The following HERC4 variants were observed in gnomAD, a reference collection of about 807,000 sequenced individuals.
The protein encoded by HERC4 is probable E3 ubiquitin-protein ligase HERC4.
HERC4 carries 28 observed loss-of-function variants against 124.3 expected under a neutral mutation model. The observed-to-expected ratio is 0.23, with a 90% CI of 0.17 to 0.31. HERC4 has a LOEUF of 0.31. HERC4 is among the 10% of genes least tolerant of loss of function. HERC4 has a pLI of 1.00. For synonymous variants in HERC4, 407 were observed against 421.5 expected, an observed-to-expected ratio of 0.97 and a Z score of 0.42; for missense variants, 713 against 1,229.3, an observed-to-expected ratio of 0.58 and a Z score of 6.28.
intron 16 of HERC4, among the ~76,000 whole-genome samples, chr10:67,964,582 G>A (rs1354055325): frequency 6.6e-6 from 1 of 151,382 alleles, no homozygotes; most frequent in Non-Finnish European, 1.5e-5. Flanking sequence ...TTTCTGTCCC[G>A]TTCCCTACAC....
chr10:68,051,959 G>A (rs938844225), intron 3 of HERC4, among the ~76,000 whole-genome samples: 22 of 151,736 alleles, frequency 1.4e-4, no homozygotes, highest in African/African-American at 3.4e-4. Flanking sequence ...ATGAGCCACC[G>A]CGCCCAGCCT....
At chr10:67,940,422 T>C (rs2032778146) in intron 20 of HERC4, among the ~76,000 whole-genome samples, 1 of 151,948 alleles carries the variant, frequency 6.6e-6, no homozygotes, top group Middle Eastern at 3.4e-3. Context: ...AAAAATTTAG[T>C]CTTTCTTTTT....
chr10:67,970,754 G>A lies in HERC4; in HGVS notation c.1807-3952C>T, dbSNP rs11818664. On this transcript the variant is annotated intron_variant, in intron 15 of 24. Coordinates refer to ENST00000373700, the MANE Select transcript of HERC4 (RefSeq NM_015601.4). ...AAGTAAAAACACATAAAAATTTGTG[G>A]GATGCTAATAAATCCAGGCATAAAA... Among the ~76,000 whole-genome samples the A allele has an allele frequency of 3.3e-3, 499 of 151,950 alleles. 1 individual carries two copies. Among genetic ancestry groups the A allele is most frequent in the African/African-American group, 0.011 (475 of 41,448 alleles).
intron 22 of HERC4, 27 bp downstream of exon 22, chr10:67,936,126 C>G: frequency 7.0e-7 from 1 of 1,424,184 alleles, no homozygotes; most frequent in Non-Finnish European, 9.7e-7. Context: ...CTTATTACTC[C>G]CACTGTTGCT....
intron 23 of HERC4, among the ~76,000 whole-genome samples, chr10:67,927,430 A>ATAT (rs1564911511): frequency 1.1e-4 from 4 of 37,902 alleles, no homozygotes; most frequent in African/African-American, 1.7e-4. Context: ...ATATATATAT[A>ATAT]TTTTTTTTTT....
intron 5 of HERC4, among the ~76,000 whole-genome samples, chr10:68,035,465 C>T (rs1260691734): frequency 2.6e-5 from 4 of 152,054 alleles, no homozygotes; most frequent in African/African-American, 9.7e-5. Context: ...CTGGGACAAT[C>T]GCTCTTACCA....
intron 3 of HERC4, among the ~76,000 whole-genome samples, chr10:68,050,551 A>G (rs2040244595): frequency 6.6e-6 from 1 of 152,236 alleles, no homozygotes; most frequent in Non-Finnish European, 1.5e-5. Context: ...AACTTTGAAA[A>G]TGGATAATGA....
chr10:68,049,397 C>T (rs1472603781), intron 3 of HERC4, among the ~76,000 whole-genome samples: 1 of 151,930 alleles, frequency 6.6e-6, no homozygotes, highest in Non-Finnish European at 1.5e-5. Flanking sequence ...GGCACAGTGG[C>T]TCACATCTGT....
At chr10:68,042,657 T>A (rs911921890) in intron 4 of HERC4, among the ~76,000 whole-genome samples, 1 of 152,082 alleles carries the variant, frequency 6.6e-6, no homozygotes, top group Admixed American at 6.5e-5. Flanking sequence ...TAAACACCAA[T>A]TTTTAGAAAT....
At chr10:68,010,129 C>A (rs912298426) in intron 9 of HERC4, 1 of 823,956 alleles carries the variant, frequency 1.2e-6, no homozygotes, top group South Asian at 1.4e-5. Flanking sequence ...CCCAAAAGCC[C>A]TGGCACAAAC....
chr10:68,020,284 G>T (rs1422359816), intron 8 of HERC4, among the ~76,000 whole-genome samples: 1 of 152,070 alleles, frequency 6.6e-6, no homozygotes, highest in Admixed American at 6.6e-5. Context: ...TAGTAGGAAA[G>T]GGTGGCCCAT....
chr10:67,961,230 A>G (rs967055154), intron 16 of HERC4: 7 of 161,272 alleles, frequency 4.3e-5, no homozygotes, highest in Admixed American at 2.0e-4. Context: ...TGAATTTTTA[A>G]AATGCAATTT....
At chr10:67,947,544 C>A (rs531596272) in intron 19 of HERC4, among the ~76,000 whole-genome samples, 159 of 152,206 alleles carry the variant, frequency 1.0e-3, no homozygotes, top group African/African-American at 3.6e-3. Context: ...TTAATGTATA[C>A]AACAATCCAA....
intron 4 of HERC4, chr10:68,039,620 A>G: frequency 1.4e-6 from 2 of 1,391,858 alleles, no homozygotes; most frequent in Non-Finnish European, 1.9e-6. Flanking sequence ...GCTACAATTT[A>G]GCAGAATCCA....
chr10:68,045,855 AACAG>A (rs2039988918), intron 3 of HERC4, among the ~76,000 whole-genome samples: 1 of 152,214 alleles, frequency 6.6e-6, no homozygotes, highest in Non-Finnish European at 1.5e-5. Flanking sequence ...TCAATAATGA[AACAG>A]ACTGAACCAA....
In HERC4 at chr10:67,922,253, A is replaced by T. The variant is rs2030288589; in HGVS notation, c.*678T>A. On this transcript the variant is annotated 3_prime_UTR_variant, in exon 25 of 25. Transcript: ENST00000373700. ...TAAGTTCTCTGATCGACAATCCCCCATCTATCAGTGTGTCAGGATTCACAA... is the reference window on the plus strand; with the variant it reads ...TAAGTTCTCTGATCGACAATCCCCCTTCTATCAGTGTGTCAGGATTCACAA... 6.6e-6 allele frequency: 1 copy of T among 152,136 alleles called. No homozygotes were observed. The highest frequency in any genetic ancestry group is 1.5e-5 in the Non-Finnish European group (1 of 67,998). The allele number at this position is 152,136 out of a possible 1,614,324, so 9.4% of individuals were successfully genotyped here. A position where few individuals can be genotyped will look rare whatever the true frequency, so the allele number is the denominator to read the frequency against.
intron 9 of HERC4, among the ~76,000 whole-genome samples, chr10:67,999,267 CATT>C (rs1279056050): frequency 6.6e-6 from 1 of 152,186 alleles, no homozygotes; most frequent in East Asian, 1.9e-4. Flanking sequence ...TCTTTGGAAA[CATT>C]ATTATTCTTA....
At chr10:68,010,206 A>T in intron 9 of HERC4, 1 of 1,072,344 alleles carries the variant, frequency 9.3e-7, no homozygotes, top group Non-Finnish European at 1.4e-6. Context: ...CAGGCACCTC[A>T]GTTTGAATGC....
chr10:68,039,583 T>G (rs2039658784), intron 4 of HERC4: 1 of 1,506,944 alleles, frequency 6.6e-7, no homozygotes, highest in East Asian at 2.5e-5. Context: ...AGTTATGCTC[T>G]TAACTACAAA....
Sources: allele counts gnomAD v4.1 joint callset (sites outside exome capture counted in the v4.1 genomes callset), GRCh38; gene constraint gnomAD v4.1.1; transcripts MANE v1.5; gene names NCBI Gene and HGNC (gene_info 2026-07-23, HGNC 2026-07-21).